ANKRD11: variants seen among roughly 807,000 people sequenced by gnomAD.
ANKRD11 encodes the protein ankyrin repeat domain 11, also known as ankyrin repeat domain-containing protein 11.
In ANKRD11, 17 loss-of-function variants were observed where a neutral mutation model predicts 195.7. That is an observed-to-expected ratio of 0.09 (90% CI 0.06 to 0.13). The LOEUF is 0.13. Among genes scored for constraint, ANKRD11 ranks in the 10% least tolerant of loss-of-function variants. The pLI is 1.00. For missense variants in ANKRD11, 3,735 were observed against 3,566.1 expected (o/e 1.05, Z -1.21); for synonymous variants, 1,953 against 1,528.1 (o/e 1.28, Z -6.49).
intron 3 of ANKRD11, among the ~76,000 whole-genome samples, 187 bp from the exon 4 acceptor site, chr16:89,305,531 C>A (rs1007825378): frequency 6.6e-6 from 1 of 152,080 alleles, no homozygotes; most frequent in African/African-American, 2.4e-5. Context: ...AGCCCGGGGT[C>A]GGGCTGTGGC....
chr16:89,413,283 T>C (rs1185025342), intron 2 of ANKRD11, among the ~76,000 whole-genome samples: 1 of 152,216 alleles, frequency 6.6e-6, no homozygotes. Flanking sequence ...TTGATAATAA[T>C]GGAAGTATGG....
rs562778792 is a variant in ANKRD11, at chr16:89,305,485, T to G, written c.88-141A>C. 7.2e-6 allele frequency: 9 copies of G among 1,249,162 alleles called. No homozygotes were observed. In the African/African-American group the frequency reaches 8.9e-5, roughly 12 times the overall value. 77.4% of individuals were successfully genotyped at this position (1,249,162 alleles called of 1,614,324 possible). Reference sequence around the variant, plus strand: ...CCCTGCACCCCAGGGCGTGGCTGTGTGAGGCTGGTCACCGACCGCAGAACC... The same window carrying G: ...CCCTGCACCCCAGGGCGTGGCTGTGGGAGGCTGGTCACCGACCGCAGAACC... On this transcript the variant is annotated intron_variant, in intron 3 of 12. Coordinates refer to ENST00000301030, the MANE Select transcript of ANKRD11 (RefSeq NM_013275.6).
intron 1 of ANKRD11, among the ~76,000 whole-genome samples, chr16:89,476,644 G>A (rs2057267748): frequency 6.6e-6 from 1 of 152,154 alleles, no homozygotes; most frequent in South Asian, 2.1e-4. Context: ...CAAGCCGCAG[G>A]CACTAGCCTG....
At chr16:89,297,287 G>A (rs910858067) in intron 4 of ANKRD11, among the ~76,000 whole-genome samples, 2 of 152,194 alleles carry the variant, frequency 1.3e-5, no homozygotes, top group Non-Finnish European at 2.9e-5. Context: ...ACTCGAAGAC[G>A]TCAAAATACA....
At chr16:89,296,246 T>C (rs553561626) in intron 4 of ANKRD11, among the ~76,000 whole-genome samples, 33 of 152,234 alleles carry the variant, frequency 2.2e-4, no homozygotes, top group African/African-American at 7.9e-4. Context: ...TAATTCATTA[T>C]ACTTTTTGAA....
At chr16:89,370,732 A>C (rs1041896481) in intron 2 of ANKRD11, 2 of 152,278 alleles carry the variant, frequency 1.3e-5, no homozygotes, top group Admixed American at 6.5e-5. Context: ...CATCACGGTG[A>C]CTGCTGTGCT....
At chr16:89,383,166 T>TGCTGAGTAAAGGGA (rs2040738153) in intron 2 of ANKRD11, among the ~76,000 whole-genome samples, 6 of 152,216 alleles carry the variant, frequency 3.9e-5, no homozygotes, top group Admixed American at 3.9e-4. Context: ...CCGCCTGTGC[T>TGCTGAGTAAAGGGA]GCTGAGTAAA....
At chr16:89,408,531 T>C (rs1290307641) in intron 2 of ANKRD11, among the ~76,000 whole-genome samples, 3 of 152,224 alleles carry the variant, frequency 2.0e-5, no homozygotes, top group Non-Finnish European at 4.4e-5. Flanking sequence ...CAGCTGCATC[T>C]GGCAGGAGTG....
rs1597460861 is a variant in ANKRD11, at chr16:89,284,149, T to C, written c.2393A>G (p.Asp798Gly). Reference protein sequence around the residue: ...SKEKEKIFKEDKEKLKKEKVY... With the variant: ...SKEKEKIFKEGKEKLKKEKVY... Reference sequence around the variant, plus strand: ...CTTTTCTTTTTTGAGTTTTTCTTTATCTTCTTTAAAAATCTTCTCCTTCTC... The same window carrying C: ...CTTTTCTTTTTTGAGTTTTTCTTTACCTTCTTTAAAAATCTTCTCCTTCTC... The change falls in exon 9 of 13, where the codon GAT becomes GGT. Residue 798 changes from aspartate (D) to glycine (G), a missense_variant. Transcript: ENST00000301030. 6.2e-7 allele frequency: 1 copy of C among 1,605,404 alleles called. No individual in the cohort carries two copies. The highest frequency in any genetic ancestry group is 2.2e-5 in the East Asian group (1 of 44,854).
At chr16:89,335,332 C>T (rs1190536197) in intron 2 of ANKRD11, among the ~76,000 whole-genome samples, 5 of 152,200 alleles carry the variant, frequency 3.3e-5, no homozygotes, top group Admixed American at 3.3e-4. Context: ...CCAGTTCCTT[C>T]CAGCACAGGA....
At chr16:89,324,318 A>G (rs2151945812) in intron 2 of ANKRD11, 2 of 1,265,292 alleles carry the variant, frequency 1.6e-6, no homozygotes, top group South Asian at 1.3e-5. Flanking sequence ...GCACGGACAC[A>G]GCAGTCGGGG....
intron 2 of ANKRD11, among the ~76,000 whole-genome samples, chr16:89,398,311 G>A (rs1003618074): frequency 2.2e-4 from 31 of 138,762 alleles, no homozygotes; most frequent in African/African-American, 8.6e-4. Context: ...TGACATGAGG[G>A]ACACTGTGAA....
At chr16:89,436,516 G>C (rs944981766) in intron 1 of ANKRD11, among the ~76,000 whole-genome samples, 1 of 152,028 alleles carries the variant, frequency 6.6e-6, no homozygotes, top group African/African-American at 2.4e-5. Flanking sequence ...TATTATACAA[G>C]AGCCTCAAGC....
chr16:89,299,778 G>A (rs1357438686), intron 4 of ANKRD11: 10 of 177,494 alleles, frequency 5.6e-5, no homozygotes, highest in Middle Eastern at 2.7e-3. Context: ...TGTGGGGTGC[G>A]TGGGGTCTGT....
intron 1 of ANKRD11, among the ~76,000 whole-genome samples, chr16:89,434,085 CA>C (rs1449033052): frequency 6.6e-6 from 1 of 152,082 alleles, no homozygotes; most frequent in Admixed American, 6.5e-5. Context: ...TGGCCTGCAC[CA>C]CCCACTAGAA....
At chr16:89,460,660 C>A (rs1234687773) in intron 1 of ANKRD11, among the ~76,000 whole-genome samples, 1 of 152,098 alleles carries the variant, frequency 6.6e-6, no homozygotes, top group Non-Finnish European at 1.5e-5. Context: ...TTGTTTGAGC[C>A]CAGGAGGTCG....
intron 2 of ANKRD11, among the ~76,000 whole-genome samples, chr16:89,380,115 C>T (rs1397292811): frequency 6.6e-6 from 1 of 151,848 alleles, no homozygotes; most frequent in Non-Finnish European, 1.5e-5. Flanking sequence ...ACAATGATGC[C>T]TGTTTTTTTC....
At chr16:89,269,472 G>A (rs1293208258) in intron 12 of ANKRD11, among the ~76,000 whole-genome samples, 1 of 152,044 alleles carries the variant, frequency 6.6e-6, no homozygotes, top group Admixed American at 6.6e-5. Context: ...GCTTTTACTC[G>A]GCAGCTCAGA....
chr16:89,431,060 G>C (rs1327483705), intron 1 of ANKRD11, among the ~76,000 whole-genome samples: 2 of 152,066 alleles, frequency 1.3e-5, no homozygotes, highest in Non-Finnish European at 2.9e-5. Context: ...CAGAAGCCTA[G>C]GGTTAACATC....
Sources: gnomAD v4.1 joint callset for allele counts (sites outside exome capture counted in the v4.1 genomes callset) on GRCh38, gnomAD v4.1.1 for gene constraint, MANE v1.5 for transcripts, NCBI Gene and HGNC (gene_info 2026-07-23, HGNC 2026-07-21) for gene names.